EVA1C: variants seen among roughly 807,000 people sequenced by gnomAD.
The protein encoded by EVA1C is protein eva-1 homolog C.
EVA1C carries 25 observed loss-of-function variants against 45.4 expected under a neutral mutation model. That is an observed-to-expected ratio of 0.55 (90% CI 0.40 to 0.77). EVA1C has a LOEUF of 0.77. Among genes scored for constraint, EVA1C ranks in the 30% least tolerant of loss-of-function variants. EVA1C has a pLI of 0.00. For synonymous variants in EVA1C, 190 were observed against 221.2 expected (o/e 0.86, Z 1.25); for missense variants, 479 against 554.8 (o/e 0.86, Z 1.37).
intron 1 of EVA1C, among the ~76,000 whole-genome samples, chr21:32,437,763 C>A (rs780822383): frequency 2.6e-4 from 40 of 152,192 alleles, no homozygotes; most frequent in African/African-American, 8.9e-4. Context: ...CCTACACACC[C>A]TGCGTTTCCT....
chr21:32,455,353 A>T (rs971111362), intron 2 of EVA1C, among the ~76,000 whole-genome samples: 16 of 152,330 alleles, frequency 1.1e-4, no homozygotes, highest in African/African-American at 3.8e-4. Context: ...TAATCCATTC[A>T]TAAGGGTGAA....
At chr21:32,448,909 G>GAA (rs2035461644) in intron 1 of EVA1C, among the ~76,000 whole-genome samples, 1 of 32,482 alleles carries the variant, frequency 3.1e-5, no homozygotes, top group Non-Finnish European at 4.6e-5. Flanking sequence ...AAAAAGAAAG[G>GAA]AGAAAAGAGA....
Position 32,444,053 on chromosome 21 carries a change from A to AACACACACACACAC in EVA1C, c.161-9233_161-9220dup, listed in dbSNP as rs60086580. Among the ~76,000 whole-genome samples, 15 of 140,042 alleles carry AACACACACACACAC rather than the reference A, an allele frequency of 1.1e-4. No individual in the cohort carries two copies. In the East Asian group the frequency reaches 3.0e-3, roughly 28 times the overall value. The allele number at this position is 140,042 out of a possible 152,430, so 91.9% of individuals were successfully genotyped here. On this transcript the variant is annotated intron_variant, in intron 1 of 7. Transcript: ENST00000300255. ...CCACTTCTGACACCAATTGTGTGAA[A>AACACACACACACAC]ACACACACACACACACACACACACA...
rs2036224747 is a variant in EVA1C, at chr21:32,467,746, T to C, written c.532T>C (p.Cys178Arg). Residue 178 changes from cysteine to arginine, a missense_variant, in exon 4 of 8, where the codon TGC becomes CGC. Physicochemically the swap from Cys to Arg is radical, Grantham distance 180. This residue lies in a region of EVA1C where 366 missense variants were observed against 426.1 expected (regional missense o/e 0.86). Transcript: ENST00000300255. ...VCEDQELKLH[C>R]HESKFLNIYS... The stretch of plus-strand genomic sequence containing the variant: ...TGAAGACCAGGAGCTGAAACTGCAC[T>C]GCCATGAATCCAAGTTCCTCAACAT... 1.2e-6 allele frequency: 2 copies of C among 1,612,150 alleles called. No individual in the cohort carries two copies. The highest frequency in any genetic ancestry group is 1.7e-6 in the Non-Finnish European group (2 of 1,179,142).
chr21:32,453,707 T>G (rs931677936), intron 2 of EVA1C, among the ~76,000 whole-genome samples, 199 bp downstream of exon 2: 5 of 152,260 alleles, frequency 3.3e-5, no homozygotes, highest in African/African-American at 1.2e-4. Context: ...CCAACAAAAC[T>G]AAATAGAATT....
intron 3 of EVA1C, among the ~76,000 whole-genome samples, chr21:32,462,007 T>C (rs2036015512): frequency 1.3e-5 from 2 of 152,120 alleles, no homozygotes; most frequent in African/African-American, 2.4e-5. Flanking sequence ...CACAGTGTTG[T>C]ATGTAACACG....
intron 1 of EVA1C, among the ~76,000 whole-genome samples, chr21:32,448,738 C>T (rs1293574768): frequency 2.0e-5 from 3 of 151,934 alleles, no homozygotes; most frequent in East Asian, 1.9e-4. Flanking sequence ...GAAACCCCAA[C>T]TCTACTAAAA....
chr21:32,444,544 TG>T, intron 1 of EVA1C, among the ~76,000 whole-genome samples: 1 of 152,298 alleles, frequency 6.6e-6, no homozygotes, highest in Admixed American at 6.5e-5. Context: ...GTGCCCACCG[TG>T]GGTGCCCTGA....
intron 5 of EVA1C, chr21:32,497,160 A>G: frequency 2.5e-6 from 2 of 797,058 alleles, no homozygotes; most frequent in South Asian, 2.7e-5. Flanking sequence ...GGAAAACTCT[A>G]TCCACTGAAG....
chr21:32,458,876 A>T (rs761163328), intron 3 of EVA1C, among the ~76,000 whole-genome samples: 8 of 152,014 alleles, frequency 5.3e-5, no homozygotes, highest in Non-Finnish European at 1.2e-4. Flanking sequence ...TGGTTCCCCG[A>T]GACCCTGGTG....
At chr21:32,414,934 A>C (rs1476717733) in intron 1 of EVA1C, among the ~76,000 whole-genome samples, 4 of 152,186 alleles carry the variant, frequency 2.6e-5, no homozygotes, top group African/African-American at 9.7e-5. Context: ...CTTAAATTTA[A>C]ACCTTAATTC....
At chr21:32,456,819 C>A (rs1265722091) in intron 2 of EVA1C, among the ~76,000 whole-genome samples, 1 of 152,138 alleles carries the variant, frequency 6.6e-6, no homozygotes, top group South Asian at 2.1e-4. Flanking sequence ...CAGCAAAAAG[C>A]TGAGCCTTCC....
At chr21:32,460,584 T>C (rs1459244143) in intron 3 of EVA1C, among the ~76,000 whole-genome samples, 1 of 152,156 alleles carries the variant, frequency 6.6e-6, no homozygotes, top group African/African-American at 2.4e-5. Context: ...GGCCAGGTCC[T>C]GTGCTCAGCA....
At chr21:32,508,070 G>A (rs956098033) in intron 7 of EVA1C, among the ~76,000 whole-genome samples, 5 of 152,144 alleles carry the variant, frequency 3.3e-5, no homozygotes, top group African/African-American at 1.2e-4. Context: ...TGTGTTGGAA[G>A]TTCTTAGCAA....
At chr21:32,494,079 C>T (rs187830423) in intron 4 of EVA1C, among the ~76,000 whole-genome samples, 6 of 152,232 alleles carry the variant, frequency 3.9e-5, no homozygotes, top group Admixed American at 2.0e-4. Flanking sequence ...GGATTACAGG[C>T]GTGAGCCACT....
intron 1 of EVA1C, among the ~76,000 whole-genome samples, chr21:32,436,465 A>G (rs149170130): frequency 6.9e-6 from 1 of 145,348 alleles, no homozygotes; most frequent in Non-Finnish European, 1.5e-5. Context: ...AAAAATAACT[A>G]TGACTCTGCT....
chr21:32,476,284 G>A (rs558154552), intron 4 of EVA1C, among the ~76,000 whole-genome samples: 14 of 151,588 alleles, frequency 9.2e-5, no homozygotes, highest in Non-Finnish European at 1.9e-4. Flanking sequence ...TTTGTTTTTT[G>A]GCAGTTTGGG....
chr21:32,433,879 C>T (rs375350702), intron 1 of EVA1C, among the ~76,000 whole-genome samples: 2 of 43,030 alleles, frequency 4.6e-5, no homozygotes, highest in African/African-American at 2.8e-4. Context: ...GGGAAATTGG[C>T]CAGGTGCAGT....
At chr21:32,487,642 T>A (rs1057124287) in intron 4 of EVA1C, among the ~76,000 whole-genome samples, 1 of 150,686 alleles carries the variant, frequency 6.6e-6, no homozygotes, top group Non-Finnish European at 1.5e-5. Flanking sequence ...ATTGCTCGAA[T>A]CCAGGAGGCA....
Sources: allele counts gnomAD v4.1 joint callset (sites outside exome capture counted in the v4.1 genomes callset), GRCh38; gene constraint gnomAD v4.1.1; regional missense constraint gnomAD v4.1.1; transcripts MANE v1.5; gene names NCBI Gene and HGNC (gene_info 2026-07-23, HGNC 2026-07-21).